Variants in TOP6BL observed in about 807,000 individuals in gnomAD.
TOP6BL encodes the protein type 2 DNA topoisomerase 6 subunit B-like.
the TOP6BL span, among the ~76,000 whole-genome samples, chr11:66,842,279 C>G: frequency 6.6e-6 from 1 of 152,220 alleles, no homozygotes; most frequent in South Asian, 2.1e-4. Flanking sequence ...GCTTCCTTCT[C>G]TATTCTAACC....
the TOP6BL span, among the ~76,000 whole-genome samples, chr11:66,778,894 C>T: frequency 1.3e-5 from 2 of 152,066 alleles, no homozygotes; most frequent in African/African-American, 4.8e-5. Flanking sequence ...ACAGACCTGA[C>T]AAAAACAAGC....
At chr11:66,815,805 A>ATC in the TOP6BL span, 5 of 362,716 alleles carry the variant, frequency 1.4e-5, no homozygotes, top group South Asian at 7.0e-5. Context: ...GCTTCTCAGT[A>ATC]ATGTAAAGGA....
chr11:66,750,050 G>T, the TOP6BL span, among the ~76,000 whole-genome samples: 2 of 151,972 alleles, frequency 1.3e-5, no homozygotes, highest in Non-Finnish European at 2.9e-5. Flanking sequence ...ACTTGCCAAG[G>T]ATAATCTGTC....
the TOP6BL span, among the ~76,000 whole-genome samples, chr11:66,780,454 C>G: frequency 6.6e-6 from 1 of 152,084 alleles, no homozygotes; most frequent in African/African-American, 2.4e-5. Context: ...TCTTAAAATG[C>G]CTTTACCTTA....
At chr11:66,838,339 C>T in the TOP6BL span, 1 of 1,604,298 alleles carries the variant, frequency 6.2e-7, no homozygotes, top group Non-Finnish European at 8.5e-7. Context: ...TTCTACAAAA[C>T]TCACTTAGGA....
the TOP6BL span, among the ~76,000 whole-genome samples, chr11:66,783,805 G>A: frequency 1.3e-5 from 2 of 151,816 alleles, no homozygotes; most frequent in African/African-American, 4.8e-5. Context: ...CAATTTGGTG[G>A]TTTTTAGTAT....
chr11:66,784,502 T>C, the TOP6BL span, among the ~76,000 whole-genome samples: 368 of 152,336 alleles, frequency 2.4e-3, 2 homozygotes, highest in African/African-American at 8.4e-3. Context: ...TACATTTTCA[T>C]CCAGAAAAAG....
the TOP6BL span, among the ~76,000 whole-genome samples, chr11:66,787,297 T>C: frequency 1.3e-5 from 2 of 152,096 alleles, no homozygotes; most frequent in African/African-American, 2.4e-5. Context: ...CATTATGAGA[T>C]ATGTAGCATG....
At chr11:66,796,043 C>T in the TOP6BL span, 3 of 434,024 alleles carry the variant, frequency 6.9e-6, no homozygotes, top group African/African-American at 5.9e-5. Context: ...ATGGGTTTTA[C>T]TCTGATCTTT....
the TOP6BL span, among the ~76,000 whole-genome samples, chr11:66,781,435 A>G: frequency 6.6e-5 from 10 of 152,256 alleles, no homozygotes; most frequent in East Asian, 1.9e-3. Flanking sequence ...GACATTTCCT[A>G]TCAGTTCACT....
chr11:66,827,297 G>A, the TOP6BL span, among the ~76,000 whole-genome samples: 1 of 152,136 alleles, frequency 6.6e-6, no homozygotes, highest in African/African-American at 2.4e-5. Context: ...TGATCCACCT[G>A]CCTTGGCCTC....
At chr11:66,808,126 C>G in the TOP6BL span, among the ~76,000 whole-genome samples, 85 of 152,292 alleles carry the variant, frequency 5.6e-4, 1 homozygote, top group African/African-American at 2.0e-3. Context: ...TGCACAGTCA[C>G]AAATAACCAG....
At chr11:66,780,746 T>A in the TOP6BL span, among the ~76,000 whole-genome samples, 3 of 152,200 alleles carry the variant, frequency 2.0e-5, no homozygotes, top group African/African-American at 4.8e-5. Flanking sequence ...CACACCTGGC[T>A]AATTTTTTGA....
chr11:66,825,363 C>T, the TOP6BL span, among the ~76,000 whole-genome samples: 9 of 149,982 alleles, frequency 6.0e-5, no homozygotes, highest in African/African-American at 1.7e-4. Flanking sequence ...TGGTGGCAGG[C>T]GCCTGTAATC....
chr11:66,832,386 C>G, the TOP6BL span, among the ~76,000 whole-genome samples: 7 of 152,222 alleles, frequency 4.6e-5, no homozygotes. Context: ...AGGCATGAGC[C>G]ACCGCGCTAT....
chr11:66,804,239 T>G, the TOP6BL span: 6 of 1,455,528 alleles, frequency 4.1e-6, no homozygotes, highest in Non-Finnish European at 5.6e-6. Flanking sequence ...AAATGGGTTT[T>G]TATATCCCAG....
the TOP6BL span, among the ~76,000 whole-genome samples, chr11:66,793,678 T>C: frequency 6.6e-6 from 1 of 151,982 alleles, no homozygotes; most frequent in Non-Finnish European, 1.5e-5. Flanking sequence ...ACTCCTGACC[T>C]CAGGTGATCC....
At chr11:66,773,026 G>A in the TOP6BL span, among the ~76,000 whole-genome samples, 4 of 151,884 alleles carry the variant, frequency 2.6e-5, no homozygotes, top group Non-Finnish European at 5.9e-5. Context: ...TTCCTTCCTA[G>A]GAAATATTTT....
At chr11:66,813,731 T>TAA in the TOP6BL span, 1 of 733,160 alleles carries the variant, frequency 1.4e-6, no homozygotes, top group Non-Finnish European at 2.1e-6. Flanking sequence ...AGACTCCATC[T>TAA]CAAAAAAAAA....
Sources: gnomAD v4.1 joint callset for allele counts (sites outside exome capture counted in the v4.1 genomes callset) on GRCh38, gnomAD v4.1.1 for gene constraint, MANE v1.5 for transcripts, NCBI Gene and HGNC (gene_info 2026-07-23, HGNC 2026-07-21) for gene names.